The following IL16 variants were observed in gnomAD, a reference collection of about 807,000 sequenced individuals.
The protein encoded by IL16 is pro-interleukin-16.
In IL16, 67 loss-of-function variants were observed where a neutral mutation model predicts 110.1. That is an observed-to-expected ratio of 0.61 (90% CI 0.50 to 0.75). The LOEUF (loss-of-function observed/expected upper bound fraction) is 0.75, where lower values mean the gene tolerates loss of function less well. IL16 is among the 30% of genes least tolerant of loss of function. The pLI is 0.00. For missense variants in IL16, 1,545 were observed against 1,655.0 expected (o/e 0.93, Z 1.15); for synonymous variants, 689 against 662.9 (o/e 1.04, Z -0.61).
intron 2 of IL16, among the ~76,000 whole-genome samples, chr15:81,252,533 G>T (rs1457137407): frequency 1.3e-5 from 2 of 151,996 alleles, no homozygotes; most frequent in African/African-American, 4.8e-5. Flanking sequence ...ATGTTAAATG[G>T]TTTTTAGTAT....
At chr15:81,293,163 C>T in intron 12 of IL16, 126 bp downstream of exon 12, 1 of 1,066,784 alleles carries the variant, frequency 9.4e-7, no homozygotes, top group South Asian at 1.6e-5. Context: ...CAGAGAGAAA[C>T]TGTTGCCTAG....
intron 2 of IL16, among the ~76,000 whole-genome samples, chr15:81,251,321 C>T (rs1008079190): frequency 1.3e-5 from 2 of 152,124 alleles, no homozygotes; most frequent in African/African-American, 2.4e-5. Context: ...TTCGTACCAC[C>T]ACACTGGCAA....
At chr15:81,238,197 C>T (rs552658132) in intron 2 of IL16, among the ~76,000 whole-genome samples, 10 of 152,224 alleles carry the variant, frequency 6.6e-5, no homozygotes, top group African/African-American at 1.7e-4. Context: ...CCACTGCGCC[C>T]GGCCTAGTCT....
At chr15:81,294,140 C>T (rs999454557) in intron 12 of IL16, among the ~76,000 whole-genome samples, 1 of 152,018 alleles carries the variant, frequency 6.6e-6, no homozygotes, top group Non-Finnish European at 1.5e-5. Flanking sequence ...GGAGGGGTAG[C>T]GGTGGAGACG....
At chr15:81,239,663 A>G (rs1897282754) in intron 2 of IL16, among the ~76,000 whole-genome samples, 1 of 152,318 alleles carries the variant, frequency 6.6e-6, no homozygotes, top group Middle Eastern at 3.4e-3. Flanking sequence ...ATATCAGACC[A>G]CATCTTGGCA....
intron 6 of IL16, among the ~76,000 whole-genome samples, chr15:81,274,670 A>G (rs1275577256): frequency 1.3e-5 from 2 of 152,254 alleles, no homozygotes; most frequent in Admixed American, 1.3e-4. Flanking sequence ...TGTGTATTGA[A>G]CAAATTGAAA....
rs1161666630 is a variant in IL16 at position 81,310,544 on chromosome 15, A to G, written c.*1746A>G. On this transcript the variant is annotated 3_prime_UTR_variant, in exon 19 of 19. Transcript: ENST00000683961. ...GTATCCACTTTTTAGACTTAATAGAAACATTGAAGATGAACATAATCTACC... is the reference window on the plus strand; with the variant it reads ...GTATCCACTTTTTAGACTTAATAGAGACATTGAAGATGAACATAATCTACC... 6.6e-6 allele frequency: 1 copy of G among 152,218 alleles called. No individual in the cohort carries two copies. The highest frequency in any genetic ancestry group is 1.5e-5 in the Non-Finnish European group (1 of 68,042). 9.4% of individuals were successfully genotyped at this position (152,218 alleles called of 1,614,324 possible). A position where few individuals can be genotyped will look rare whatever the true frequency, so the allele number is the denominator to read the frequency against.
chr15:81,289,796 C>T (rs1899623239), intron 10 of IL16: 1 of 339,650 alleles, frequency 2.9e-6, no homozygotes, highest in Admixed American at 3.8e-5. Flanking sequence ...TTCACATAGT[C>T]CAATTTATCT....
intron 1 of IL16, among the ~76,000 whole-genome samples, chr15:81,222,074 G>A (rs1160136650): frequency 1.3e-5 from 2 of 152,062 alleles, no homozygotes; most frequent in Admixed American, 6.6e-5. Context: ...ACTATTGCTG[G>A]GACAGTTATT....
rs1900029389 is a variant in IL16 at position 81,297,170 on chromosome 15, G to A, written c.2053+92G>A. 5.4e-6 allele frequency: 7 copies of A among 1,291,284 alleles called. No homozygotes were observed. The South Asian group carries it at 8.5e-5, about 16-fold the overall frequency. The allele number at this position is 1,291,284 out of a possible 1,614,324, so 80.0% of individuals were successfully genotyped here. On this transcript the variant is annotated intron_variant, in intron 13 of 18. Transcript: ENST00000683961. Reference sequence around the variant, plus strand: ...AGCACAAATTGGCCTGAGGATCAGAGTGCTCTGCATTGACATCACCACTGG... The same window carrying A: ...AGCACAAATTGGCCTGAGGATCAGAATGCTCTGCATTGACATCACCACTGG...
chr15:81,296,811 A>T, intron 12 of IL16, 117 bp from the exon 13 acceptor site: 1 of 898,600 alleles, frequency 1.1e-6, no homozygotes. Flanking sequence ...CTGCTGATGA[A>T]CTTCTCACTG....
chr15:81,257,255 G>A (rs1373290103), intron 2 of IL16, among the ~76,000 whole-genome samples: 1 of 152,206 alleles, frequency 6.6e-6, no homozygotes, highest in African/African-American at 2.4e-5. Flanking sequence ...GAATTGACAT[G>A]TGGTTTCTTG....
At chr15:81,245,587 C>G (rs548102050) in intron 2 of IL16, among the ~76,000 whole-genome samples, 152 of 105,956 alleles carry the variant, frequency 1.4e-3, no homozygotes, top group African/African-American at 6.4e-3. Flanking sequence ...AGATGGAAGT[C>G]TAGCCACTGC....
intron 9 of IL16, 134 bp downstream of exon 9, chr15:81,282,890 G>T: frequency 1.3e-6 from 1 of 777,964 alleles, no homozygotes; most frequent in South Asian, 1.5e-5. Flanking sequence ...CGCTCCGCCC[G>T]CCAGGACACC....
chr15:81,243,851 C>T (rs529027962), intron 2 of IL16, among the ~76,000 whole-genome samples: 3 of 152,182 alleles, frequency 2.0e-5, no homozygotes, highest in Admixed American at 2.0e-4. Flanking sequence ...TGGTTTGTAG[C>T]ATTTCATTAT....
At chr15:81,187,172 A>T (rs149496743) in intron 1 of IL16, among the ~76,000 whole-genome samples, 10 of 152,276 alleles carry the variant, frequency 6.6e-5, no homozygotes, top group Middle Eastern at 3.4e-3. Context: ...CTAACTTTCA[A>T]TATTTGTTTA....
chr15:81,187,122 T>C (rs2141912093), intron 1 of IL16, among the ~76,000 whole-genome samples: 1 of 152,358 alleles, frequency 6.6e-6, no homozygotes, highest in Non-Finnish European at 1.5e-5. Context: ...TTACTTACAC[T>C]GGCGAACCTT....
chr15:81,207,471 G>A (rs1407287697), intron 1 of IL16, among the ~76,000 whole-genome samples: 9 of 151,998 alleles, frequency 5.9e-5, no homozygotes, highest in Admixed American at 5.2e-4. Flanking sequence ...CAACTAGATA[G>A]TGAGCATAAT....
Position 81,292,869 on chromosome 15 carries a change from G to C in IL16, c.1734G>C (p.Pro578=). Residue 578 remains proline (P), a synonymous_variant, in exon 12 of 19, where the codon CCG becomes CCC. Coordinates refer to ENST00000683961, the MANE Select transcript of IL16 (RefSeq NM_172217.5). ...PLPESRDSHP[P]LRLKKSFEIL... ...CAGAGAGCCGGGACAGCCACCCGCCGCTGAGACTGAAGAAATCCTTTGAGA... is the reference window on the plus strand; with the variant it reads ...CAGAGAGCCGGGACAGCCACCCGCCCCTGAGACTGAAGAAATCCTTTGAGA... 1.9e-6 allele frequency: 3 copies of C among 1,614,120 alleles called. No individual in the cohort carries two copies. The highest frequency in any genetic ancestry group is 2.5e-6 in the Non-Finnish European group (3 of 1,179,992).
Sources: gnomAD v4.1 joint callset for allele counts (sites outside exome capture counted in the v4.1 genomes callset) on GRCh38, gnomAD v4.1.1 for gene constraint, MANE v1.5 for transcripts, NCBI Gene and HGNC (gene_info 2026-07-23, HGNC 2026-07-21) for gene names.